The following FEZ1 variants were observed in gnomAD, a reference collection of about 807,000 sequenced individuals.
FEZ1 encodes fasciculation and elongation protein zeta-1.
In FEZ1, 20 loss-of-function variants were observed where a neutral mutation model predicts 49.3. That is an observed-to-expected ratio of 0.41 (90% CI 0.29 to 0.59). FEZ1 has a LOEUF of 0.59. Among genes scored for constraint, FEZ1 ranks in the 20% least tolerant of loss-of-function variants. The probability of loss-of-function intolerance (pLI) is 0.36; values close to 1 mark genes in which losing one functional copy is unlikely to be tolerated. For synonymous variants in FEZ1, 170 were observed against 180.9 expected (o/e 0.94, Z 0.48); for missense variants, 413 against 476.0 (o/e 0.87, Z 1.23).
At chr11:125,469,985 GATTATAGGAGTAAA>G (rs1957169674) in intron 3 of FEZ1, among the ~76,000 whole-genome samples, 1 of 152,010 alleles carries the variant, frequency 6.6e-6, no homozygotes, top group African/African-American at 2.4e-5. Context: ...AAAGTGCTAG[GATTATAGGAGTAAA>G]CCACCATGCC....
intron 3 of FEZ1, among the ~76,000 whole-genome samples, chr11:125,478,542 C>CT (rs1215280090): frequency 3.9e-5 from 6 of 152,156 alleles, no homozygotes; most frequent in Admixed American, 2.6e-4. Flanking sequence ...ATGCCAAGCG[C>CT]TTTTGGTCGT....
At chr11:125,465,738 C>T (rs1387505947) in intron 3 of FEZ1, among the ~76,000 whole-genome samples, 1 of 152,146 alleles carries the variant, frequency 6.6e-6, no homozygotes, top group African/African-American at 2.4e-5. Flanking sequence ...CTTGGGCTTC[C>T]CCACCTCCAT....
rs1201782228 is a variant in FEZ1, at chr11:125,495,615, G to C, written c.-46+506C>G. Reference sequence around the variant, plus strand: ...GGGGAGGGGCACGAGCGGGGTCGGGGGTAAGTTTTTAGGGACAAAGATGAT... The same window carrying C: ...GGGGAGGGGCACGAGCGGGGTCGGGCGTAAGTTTTTAGGGACAAAGATGAT... On this transcript the variant is annotated intron_variant, in intron 1 of 9. Transcript: ENST00000278919. This position sits in a 1 kb window ranked among gnomAD's most constrained non-coding sequence, Gnocchi z 4.2. 5 of 464,742 alleles carry C rather than the reference G, an allele frequency of 1.1e-5. No homozygotes were observed. Among genetic ancestry groups the C allele is most frequent in the South Asian group, 7.8e-5 (5 of 64,082 alleles). 28.8% of individuals were successfully genotyped at this position (464,742 alleles called of 1,614,324 possible).
chr11:125,476,057 A>C (rs1027081091), intron 3 of FEZ1, among the ~76,000 whole-genome samples: 2 of 152,246 alleles, frequency 1.3e-5, no homozygotes, highest in African/African-American at 2.4e-5. Context: ...AAATGTACAT[A>C]TTGCATGATT....
intron 8 of FEZ1, chr11:125,451,294 C>A (rs1055856628): frequency 1.1e-4 from 16 of 152,150 alleles, no homozygotes; most frequent in Non-Finnish European, 1.9e-4. Flanking sequence ...TTTTAAAATT[C>A]CTGATTCTCA....
intron 4 of FEZ1, among the ~76,000 whole-genome samples, chr11:125,461,195 G>A (rs558560185): frequency 2.6e-5 from 4 of 152,218 alleles, no homozygotes; most frequent in African/African-American, 9.6e-5. Flanking sequence ...AATAATAGAA[G>A]GATAGGTGGA....
In FEZ1 at chr11:125,489,863, TA is replaced by T; in HGVS notation, c.-45-42del. ...AGCGTAATGTGAGTTTAGACCAGGC[TA>T]ATCTAAATAATAGAGTTAACTTTAG... On this transcript the variant is annotated intron_variant, in intron 1 of 9. Coordinates refer to ENST00000278919, the MANE Select transcript of FEZ1 (RefSeq NM_005103.5). This position sits in a 1 kb window ranked among gnomAD's most constrained non-coding sequence, Gnocchi z 4.2. 6.8e-7 allele frequency: 1 copy of T among 1,464,218 alleles called. No individual in the cohort carries two copies. The allele number at this position is 1,464,218 out of a possible 1,614,324, so 90.7% of individuals were successfully genotyped here.
intron 9 of FEZ1, among the ~76,000 whole-genome samples, chr11:125,447,220 T>C (rs546555492): frequency 4.1e-4 from 62 of 152,276 alleles, no homozygotes; most frequent in Middle Eastern, 3.4e-3. Context: ...TGATCAGGCT[T>C]CCAGTTCTAT....
At chr11:125,480,902 A>T (rs778909169) in intron 3 of FEZ1, among the ~76,000 whole-genome samples, 2 of 151,984 alleles carry the variant, frequency 1.3e-5, no homozygotes, top group Middle Eastern at 3.2e-3. Flanking sequence ...AGCCAGGCAT[A>T]GTGGCATGCA....
chr11:125,456,765 C>G (rs1957014672), intron 5 of FEZ1, among the ~76,000 whole-genome samples: 1 of 152,200 alleles, frequency 6.6e-6, no homozygotes, highest in South Asian at 2.1e-4. Context: ...TTTAAGAAGT[C>G]TCCTAAGACT....
Position 125,495,614 on chromosome 11 carries a change from G to T in FEZ1, c.-46+507C>A, listed in dbSNP as rs1466319140. On this transcript the variant is annotated intron_variant, in intron 1 of 9. Transcript: ENST00000278919. The surrounding 1 kb of genome is among the most constrained non-coding windows in gnomAD (Gnocchi z 4.2). ...TGGGGAGGGGCACGAGCGGGGTCGG[G>T]GGTAAGTTTTTAGGGACAAAGATGA... 9 of 465,112 alleles carry T rather than the reference G, an allele frequency of 1.9e-5. No individual in the cohort carries two copies. The East Asian group carries it at 6.3e-4, about 33-fold the overall frequency. The allele number at this position is 465,112 out of a possible 1,614,324, so 28.8% of individuals were successfully genotyped here. A position where few individuals can be genotyped will look rare whatever the true frequency, so the allele number is the denominator to read the frequency against.
At chr11:125,456,562 AC>A (rs1333732455) in intron 5 of FEZ1, among the ~76,000 whole-genome samples, 1 of 152,224 alleles carries the variant, frequency 6.6e-6, no homozygotes, top group Non-Finnish European at 1.5e-5. Flanking sequence ...GGCAACAACA[AC>A]AAAAAAGCCG....
At chr11:125,471,379 C>T (rs1280685287) in intron 3 of FEZ1, among the ~76,000 whole-genome samples, 1 of 151,880 alleles carries the variant, frequency 6.6e-6, no homozygotes, top group African/African-American at 2.4e-5. Context: ...TGCAAAAACA[C>T]ACTTTAAATA....
At chr11:125,448,084 C>T (rs1210439346) in intron 9 of FEZ1, among the ~76,000 whole-genome samples, 1 of 152,186 alleles carries the variant, frequency 6.6e-6, no homozygotes, top group African/African-American at 2.4e-5. Flanking sequence ...ATTTCCTCTA[C>T]TCTTGTATGT....
chr11:125,455,742 CGTT>C (rs1007788396), intron 6 of FEZ1, 90 bp downstream of exon 6: 1 of 1,324,080 alleles, frequency 7.6e-7, no homozygotes, highest in Non-Finnish European at 1.1e-6. Context: ...GCTCGGTAAA[CGTT>C]GATGAGTCCC....
intron 2 of FEZ1, among the ~76,000 whole-genome samples, chr11:125,482,624 A>G (rs949404973): frequency 2.6e-5 from 4 of 152,174 alleles, no homozygotes; most frequent in Non-Finnish European, 1.5e-5. Context: ...ATCAGTAAAC[A>G]AAGCCCTTAA....
At chr11:125,474,145 C>T (rs1265240720) in intron 3 of FEZ1, among the ~76,000 whole-genome samples, 1 of 151,414 alleles carries the variant, frequency 6.6e-6, no homozygotes, top group African/African-American at 2.4e-5. Flanking sequence ...TTGCTTCAGC[C>T]TCCTGAGTAG....
rs538696377 is a variant in FEZ1, at chr11:125,447,328, A to G, written c.1162+1174T>C. 3.3e-5 allele frequency among the ~76,000 whole-genome samples: 5 copies of G among 152,346 alleles called. No individual in the cohort carries two copies. The East Asian group carries it at 9.6e-4, about 29-fold the overall frequency. On this transcript the variant is annotated intron_variant, in intron 9 of 9. Transcript: ENST00000278919. Reference sequence around the variant, plus strand: ...ACAATGAGGAAATTCTATGGCACAAACAACCTAGTTTCTCCAACAAATGCA... The same window carrying G: ...ACAATGAGGAAATTCTATGGCACAAGCAACCTAGTTTCTCCAACAAATGCA...
At chr11:125,446,406 G>T (rs188001129) in intron 9 of FEZ1, among the ~76,000 whole-genome samples, 2 of 152,124 alleles carry the variant, frequency 1.3e-5, no homozygotes, top group African/African-American at 4.8e-5. Context: ...ACAATAGAAC[G>T]TACCTGCGCC....
Sources: gnomAD v4.1 joint callset for allele counts (sites outside exome capture counted in the v4.1 genomes callset) on GRCh38, gnomAD v4.1.1 for gene constraint, Gnocchi (gnomAD v3.1) non-coding constraint, MANE v1.5 for transcripts, NCBI Gene and HGNC (gene_info 2026-07-23, HGNC 2026-07-21) for gene names.